UGGT2: variants seen among roughly 807,000 people sequenced by gnomAD.
The protein encoded by UGGT2 is UDP-glucose glycoprotein glucosyltransferase 2.
A neutral mutation model predicts 192.1 loss-of-function variants in UGGT2; 180 were observed. The observed-to-expected ratio is 0.94, with a 90% CI of 0.83 to 1.06. The LOEUF is 1.06. UGGT2 is among the 50% of genes least tolerant of loss of function. The probability of loss-of-function intolerance (pLI) is 0.00; values close to 1 mark genes in which losing one functional copy is unlikely to be tolerated. For missense variants in UGGT2, 1,849 were observed against 1,795.7 expected (o/e 1.03, Z -0.54); for synonymous variants, 580 against 591.0 (o/e 0.98, Z 0.27).
At chr13:95,934,521 CAATATTAACCTTG>C in intron 17 of UGGT2, among the ~76,000 whole-genome samples, 1 of 152,068 alleles carries the variant, frequency 6.6e-6, no homozygotes, top group Non-Finnish European at 1.5e-5. Flanking sequence ...CCTCATGTAC[CAATATTAACCTTG>C]AATATAAATG....
At chr13:95,923,718 T>A (rs2048923363) in intron 20 of UGGT2, among the ~76,000 whole-genome samples, 1 of 152,238 alleles carries the variant, frequency 6.6e-6, no homozygotes, top group Non-Finnish European at 1.5e-5. Context: ...GTTTATTATG[T>A]ATCCATTTGA....
intron 17 of UGGT2, among the ~76,000 whole-genome samples, chr13:95,927,782 C>A (rs2049076707): frequency 2.6e-5 from 4 of 151,980 alleles, no homozygotes; most frequent in Admixed American, 2.6e-4. Context: ...GAACAAAGGT[C>A]TCTGGTTTTC....
intron 36 of UGGT2, among the ~76,000 whole-genome samples, chr13:95,841,455 C>A (rs909474169): frequency 5.3e-5 from 8 of 152,148 alleles, no homozygotes; most frequent in African/African-American, 1.9e-4. Context: ...GAGGAACACA[C>A]ATGGAGCAGT....
At chr13:95,927,830 G>C (rs1025615044) in intron 17 of UGGT2, among the ~76,000 whole-genome samples, 1 of 152,128 alleles carries the variant, frequency 6.6e-6, no homozygotes, top group African/African-American at 2.4e-5. Flanking sequence ...CAGTGTTTGT[G>C]TCCCTGGGTA....
intron 7 of UGGT2, chr13:95,995,307 C>T (rs2051583726): frequency 6.6e-6 from 1 of 151,994 alleles, no homozygotes; most frequent in South Asian, 2.1e-4. Context: ...CAATAGTTGA[C>T]TTTCTTGGAG....
At chr13:95,877,242 T>A in intron 29 of UGGT2, 37 bp downstream of exon 29, 1 of 1,476,654 alleles carries the variant, frequency 6.8e-7, no homozygotes, top group Non-Finnish European at 9.2e-7. Context: ...AAAACGTATT[T>A]ATGTGTAAAA....
Position 95,853,497 on chromosome 13 carries a change from G to A in UGGT2, c.4284+46C>T, listed in dbSNP as rs768341971. ...AGTTTATGAGCACGGAGTTGGAACAGTCTATGTACACACACTCAAAATTAT... is the reference window on the plus strand; with the variant it reads ...AGTTTATGAGCACGGAGTTGGAACAATCTATGTACACACACTCAAAATTAT... On this transcript the variant is annotated intron_variant, in intron 36 of 38. Coordinates refer to ENST00000376747, the MANE Select transcript of UGGT2 (RefSeq NM_020121.4). The A allele has an allele frequency of 4.6e-6, 7 of 1,511,542 alleles. No individual in the cohort carries two copies. In the Admixed American group the frequency reaches 1.0e-4, roughly 23 times the overall value. The allele number at this position is 1,511,542 out of a possible 1,614,324, so 93.6% of individuals were successfully genotyped here.
chr13:96,034,572 G>A (rs7320351), intron 1 of UGGT2, among the ~76,000 whole-genome samples: 59,133 of 152,082 alleles, frequency 0.39, 11,733 homozygotes, highest in Middle Eastern at 0.44. Flanking sequence ...GAGAAGAGCT[G>A]CAGCCCTTTG....
intron 38 of UGGT2, among the ~76,000 whole-genome samples, chr13:95,822,377 G>T (rs1885598473): frequency 6.6e-6 from 1 of 151,988 alleles, no homozygotes; most frequent in African/African-American, 2.4e-5. Flanking sequence ...CTACTGATTT[G>T]TGTGCAGTGA....
At chr13:96,045,567 G>A (rs769480220) in intron 1 of UGGT2, among the ~76,000 whole-genome samples, 3 of 152,066 alleles carry the variant, frequency 2.0e-5, no homozygotes, top group African/African-American at 4.8e-5. Flanking sequence ...CTGATGATAC[G>A]ATTATATACC....
At chr13:96,000,643 T>C (rs1027542218) in intron 5 of UGGT2, among the ~76,000 whole-genome samples, 1 of 152,204 alleles carries the variant, frequency 6.6e-6, no homozygotes, top group Admixed American at 6.5e-5. Context: ...ATCGAAACTA[T>C]AAGGCCGTAT....
chr13:95,908,398 A>AC (rs1187376798), intron 20 of UGGT2, among the ~76,000 whole-genome samples: 1 of 152,206 alleles, frequency 6.6e-6, no homozygotes, highest in Non-Finnish European at 1.5e-5. Context: ...AATACAGAGA[A>AC]CATCACAAAA....
intron 27 of UGGT2, among the ~76,000 whole-genome samples, chr13:95,879,746 A>C (rs1413881431): frequency 6.6e-6 from 1 of 152,132 alleles, no homozygotes; most frequent in African/African-American, 2.4e-5. Flanking sequence ...CACAAAGCTC[A>C]TTTTTAGCAA....
intron 4 of UGGT2, among the ~76,000 whole-genome samples, chr13:96,019,081 C>A: frequency 8.9e-6 from 1 of 111,738 alleles, no homozygotes; most frequent in African/African-American, 3.7e-5. Context: ...GCCTGAAGTT[C>A]ACAAAAGGAA....
intron 9 of UGGT2, chr13:95,985,368 C>T (rs1215070221): frequency 1.1e-6 from 1 of 940,670 alleles, no homozygotes; most frequent in Non-Finnish European, 1.4e-6. Context: ...TCCTTTATTT[C>T]AAGGTACCAC....
At chr13:95,899,484 A>T (rs1489158399) in intron 22 of UGGT2, among the ~76,000 whole-genome samples, 1 of 152,134 alleles carries the variant, frequency 6.6e-6, no homozygotes, top group African/African-American at 2.4e-5. Flanking sequence ...GTCAGGACAA[A>T]ACATAGTTTT....
intron 20 of UGGT2, among the ~76,000 whole-genome samples, chr13:95,908,452 T>G (rs1456080771): frequency 6.6e-6 from 1 of 151,432 alleles, no homozygotes; most frequent in Admixed American, 6.6e-5. Context: ...AATCGTGAGA[T>G]TCACCAAAGT....
chr13:95,874,675 C>T (rs1041012783), intron 29 of UGGT2, among the ~76,000 whole-genome samples: 1 of 152,004 alleles, frequency 6.6e-6, no homozygotes, highest in East Asian at 1.9e-4. Context: ...CCCCTTCCTC[C>T]CCATCCCCTT....
In UGGT2 at chr13:95,832,761, C is replaced by T. The variant is rs779547594; in HGVS notation, c.4528+166G>A. 8.1e-6 allele frequency: 8 copies of T among 984,414 alleles called. No homozygotes were observed. The South Asian group carries it at 9.0e-5, about 11-fold the overall frequency. 61.0% of individuals were successfully genotyped at this position (984,414 alleles called of 1,614,324 possible). A position where few individuals can be genotyped will look rare whatever the true frequency, so the allele number is the denominator to read the frequency against. On this transcript the variant is annotated intron_variant, in intron 38 of 38. Coordinates refer to ENST00000376747, the MANE Select transcript of UGGT2 (RefSeq NM_020121.4). ...GGAAACAGATTATCTATGTTTTAAA[C>T]TTGTAAGCTTAGTCTACACAAAAAT...
Sources: allele counts gnomAD v4.1 joint callset (sites outside exome capture counted in the v4.1 genomes callset), GRCh38; gene constraint gnomAD v4.1.1; transcripts MANE v1.5; gene names NCBI Gene and HGNC (gene_info 2026-07-23, HGNC 2026-07-21).